The following ATE1 variants were observed in gnomAD, a reference collection of about 807,000 sequenced individuals.
ATE1 encodes arginyltransferase 1.
In ATE1, 36 loss-of-function variants were observed where a neutral mutation model predicts 70.5. That is an observed-to-expected ratio of 0.51 (90% CI 0.39 to 0.67). ATE1 has a LOEUF of 0.67. Ranked by LOEUF, ATE1 falls within the 30% of genes least tolerant of loss-of-function variation. The probability of loss-of-function intolerance (pLI) is 0.00; values close to 1 mark genes in which losing one functional copy is unlikely to be tolerated. For missense variants in ATE1, 593 were observed against 629.5 expected (o/e 0.94, Z 0.62); for synonymous variants, 232 against 219.3 (o/e 1.06, Z -0.51).
chr10:121,892,488 C>T (rs969730340), intron 7 of ATE1, among the ~76,000 whole-genome samples: 7 of 144,060 alleles, frequency 4.9e-5, no homozygotes, highest in South Asian at 2.2e-4. Flanking sequence ...GGGACACAAA[C>T]GGTGACAAAA....
At position 121,927,899 on chromosome 10, in the gene ATE1, G is replaced by A; in HGVS notation, c.51C>T (p.Ser17=). ...AGTAGCCGCAGCGGTAGAAGTCCTC[G>A]CTAGGGAAATAGTCCACGACGCTGG... The part of the protein sequence containing the change: ...GSPSVVDYFP[S]EDFYRCGYCK... The change falls in exon 1 of 12, where the codon AGC becomes AGT. Residue 17 remains serine (S), a synonymous_variant. Transcript: ENST00000224652. 6.3e-7 allele frequency: 1 copy of A among 1,593,312 alleles called. No homozygotes were observed. The highest frequency in any genetic ancestry group is 1.1e-5 in the South Asian group (1 of 88,196).
At chr10:121,828,572 G>A (rs1948115256) in intron 10 of ATE1, among the ~76,000 whole-genome samples, 1 of 152,170 alleles carries the variant, frequency 6.6e-6, no homozygotes, top group African/African-American at 2.4e-5. Context: ...CAAGGCCTGA[G>A]CCCAGAAGTC....
rs527236668 is a variant in ATE1, at chr10:121,812,193, C to T, written c.1258-21904G>A. 1.8e-4 allele frequency among the ~76,000 whole-genome samples: 27 copies of T among 151,962 alleles called. No individual in the cohort carries two copies. In the South Asian group the frequency reaches 3.7e-3, roughly 21 times the overall value. ...CTAGTCTGGAACTCGTAAGCTCAGG[C>T]GATCCACCTGCTTTGGCCTCCCAAA... On this transcript the variant is annotated intron_variant, in intron 10 of 11. Coordinates refer to ENST00000224652, the MANE Select transcript of ATE1 (RefSeq NM_001001976.3).
intron 7 of ATE1, among the ~76,000 whole-genome samples, chr10:121,894,826 G>A (rs778019017): frequency 3.9e-5 from 6 of 152,074 alleles, no homozygotes; most frequent in Non-Finnish European, 8.8e-5. Flanking sequence ...GCCCGAACCC[G>A]AGAGGCGGAG....
At chr10:121,788,122 G>C (rs908548871) in intron 11 of ATE1, among the ~76,000 whole-genome samples, 7 of 152,130 alleles carry the variant, frequency 4.6e-5, no homozygotes, top group African/African-American at 1.7e-4. Flanking sequence ...AAAAAAGCTA[G>C]AGGGGAAATT....
intron 5 of ATE1, among the ~76,000 whole-genome samples, chr10:121,903,890 G>A (rs1170697756): frequency 2.0e-5 from 3 of 151,876 alleles, no homozygotes; most frequent in Non-Finnish European, 4.4e-5. Context: ...AAAAAACCTG[G>A]AAAGGAGACA....
intron 11 of ATE1, among the ~76,000 whole-genome samples, chr10:121,759,323 T>G (rs983775165): frequency 6.6e-6 from 1 of 152,180 alleles, no homozygotes; most frequent in Non-Finnish European, 1.5e-5. Flanking sequence ...CCTAACTCTC[T>G]TCAATTCTCT....
chr10:121,775,280 A>G (rs1945686850), intron 11 of ATE1, among the ~76,000 whole-genome samples: 1 of 152,132 alleles, frequency 6.6e-6, no homozygotes, highest in Non-Finnish European at 1.5e-5. Flanking sequence ...ATTACTACTG[A>G]TAGTAAACCC....
intron 7 of ATE1, among the ~76,000 whole-genome samples, chr10:121,897,763 T>C (rs533646513): frequency 2.7e-5 from 4 of 150,556 alleles, no homozygotes; most frequent in Admixed American, 2.0e-4. Flanking sequence ...GAGGTGGAGG[T>C]TGCAGTGAGC....
At chr10:121,891,768 G>C (rs1038490939) in intron 7 of ATE1, among the ~76,000 whole-genome samples, 5 of 152,062 alleles carry the variant, frequency 3.3e-5, no homozygotes, top group African/African-American at 4.8e-5. Context: ...AATGTGGTTG[G>C]TTACCTGAAA....
At chr10:121,748,943 G>A (rs1430558561) in intron 11 of ATE1, among the ~76,000 whole-genome samples, 2 of 152,086 alleles carry the variant, frequency 1.3e-5, no homozygotes, top group African/African-American at 4.8e-5. Context: ...AAGTAATGTG[G>A]TGCTAATTCT....
chr10:121,814,711 T>C (rs925303400), intron 10 of ATE1, among the ~76,000 whole-genome samples: 3 of 152,190 alleles, frequency 2.0e-5, no homozygotes, highest in Non-Finnish European at 2.9e-5. Context: ...TGGAGCATCC[T>C]GGCGGGATGA....
At chr10:121,766,590 C>T (rs1193497282) in intron 11 of ATE1, among the ~76,000 whole-genome samples, 3 of 152,058 alleles carry the variant, frequency 2.0e-5, no homozygotes, top group Non-Finnish European at 4.4e-5. Context: ...AAAGCCAACA[C>T]ACACAGACTA....
chr10:121,839,622 T>C (rs1187813368), intron 9 of ATE1, among the ~76,000 whole-genome samples: 2 of 152,214 alleles, frequency 1.3e-5, no homozygotes, highest in Non-Finnish European at 2.9e-5. Context: ...CAGCCATAAA[T>C]ATTTTTAAAC....
rs1447898274 is a variant in ATE1 at position 121,743,604 on chromosome 10, C to T, written c.*76G>A. 3.5e-6 allele frequency: 5 copies of T among 1,435,628 alleles called. No individual in the cohort carries two copies. The Admixed American group carries it at 8.2e-5, about 24-fold the overall frequency. 88.9% of individuals were successfully genotyped at this position (1,435,628 alleles called of 1,614,324 possible). On this transcript the variant is annotated 3_prime_UTR_variant, in exon 12 of 12. Coordinates refer to ENST00000224652, the MANE Select transcript of ATE1 (RefSeq NM_001001976.3). The stretch of plus-strand genomic sequence containing the variant: ...AATTTGTGGGTGGTGACAGTTATTT[C>T]CCCACAGGTACTGAATATGTATCCT...
chr10:121,807,659 T>C (rs964099195), intron 10 of ATE1, among the ~76,000 whole-genome samples: 1 of 152,202 alleles, frequency 6.6e-6, no homozygotes, highest in Admixed American at 6.5e-5. Context: ...ACTTATTGTA[T>C]AGGCTGAACT....
chr10:121,779,393 A>C (rs1366852620), intron 11 of ATE1, among the ~76,000 whole-genome samples: 6 of 151,842 alleles, frequency 4.0e-5, no homozygotes, highest in African/African-American at 1.5e-4. Flanking sequence ...CAAATCTCTT[A>C]CCTCTCTCCT....
intron 10 of ATE1, among the ~76,000 whole-genome samples, chr10:121,820,073 C>T (rs1467924196): frequency 6.6e-6 from 1 of 151,730 alleles, no homozygotes; most frequent in Non-Finnish European, 1.5e-5. Flanking sequence ...AACTGGGAGG[C>T]GGAGGCTGCA....
chr10:121,896,719 G>A (rs1950793836), intron 7 of ATE1, among the ~76,000 whole-genome samples: 1 of 145,368 alleles, frequency 6.9e-6, no homozygotes, highest in African/African-American at 2.6e-5. Context: ...TGAGGCAGAA[G>A]AACTGCTTGA....
Sources: gnomAD v4.1 joint callset for allele counts (sites outside exome capture counted in the v4.1 genomes callset) on GRCh38, gnomAD v4.1.1 for gene constraint, MANE v1.5 for transcripts, NCBI Gene and HGNC (gene_info 2026-07-23, HGNC 2026-07-21) for gene names.